CACNG2: variants seen among roughly 807,000 people sequenced by gnomAD.
The protein encoded by CACNG2 is voltage-dependent calcium channel gamma-2 subunit.
A neutral mutation model predicts 25.9 loss-of-function variants in CACNG2; 3 were observed. The observed-to-expected ratio is 0.12, with a 90% confidence interval of 0.05 to 0.30. The LOEUF (loss-of-function observed/expected upper bound fraction) is 0.30. CACNG2 is among the 10% of genes least tolerant of loss of function. The pLI is 1.00. For missense variants in CACNG2, 341 were observed against 432.5 expected (o/e 0.79, Z 1.88); for synonymous variants, 167 against 173.3 (o/e 0.96, Z 0.29).
At chr22:36,595,511 A>G (rs759161445) in intron 1 of CACNG2, among the ~76,000 whole-genome samples, 1 of 152,184 alleles carries the variant, frequency 6.6e-6, no homozygotes, top group Non-Finnish European at 1.5e-5. Context: ...ATGAAGGGTG[A>G]TCCTATGTGA....
rs6000344 is a variant in CACNG2 at position 36,600,843 on chromosome 22, G to A, written c.212-13295C>T. Among the ~76,000 whole-genome samples, 15 of 152,006 alleles carry A rather than the reference G, an allele frequency of 9.9e-5. No homozygotes were observed. The East Asian group carries it at 1.4e-3, about 14-fold the overall frequency. On this transcript the variant is annotated intron_variant, in intron 1 of 3. Transcript: ENST00000300105. ...ATTATAGGCATGAACCACCGCTCCC[G>A]GCCTAAAATTTTTTTTAAGTGCATT...
chr22:36,651,453 T>C (rs905306155), intron 1 of CACNG2, among the ~76,000 whole-genome samples: 1 of 152,084 alleles, frequency 6.6e-6, no homozygotes, highest in Non-Finnish European at 1.5e-5. Context: ...GGTCTCGAAC[T>C]CCTGACCTCC....
chr22:36,690,029 C>T (rs1297079504), intron 1 of CACNG2, among the ~76,000 whole-genome samples: 2 of 152,260 alleles, frequency 1.3e-5, no homozygotes, highest in African/African-American at 2.4e-5. Flanking sequence ...TACAGATGCA[C>T]GGCTTTCTTC....
chr22:36,699,681 A>G (rs1937386631), intron 1 of CACNG2, among the ~76,000 whole-genome samples: 1 of 151,672 alleles, frequency 6.6e-6, no homozygotes. Flanking sequence ...TGAAAGTCCA[A>G]TTTTTCACAC....
chr22:36,616,896 G>T (rs1936029212), intron 1 of CACNG2, among the ~76,000 whole-genome samples: 1 of 152,214 alleles, frequency 6.6e-6, no homozygotes, highest in African/African-American at 2.4e-5. Flanking sequence ...TAGGCAAAGG[G>T]ATGCTGGGCA....
At chr22:36,641,750 A>T (rs1422146974) in intron 1 of CACNG2, among the ~76,000 whole-genome samples, 2 of 152,232 alleles carry the variant, frequency 1.3e-5, no homozygotes, top group African/African-American at 4.8e-5. Context: ...TGTCTATTGA[A>T]TGACTTCAGG....
chr22:36,657,627 C>T (rs1428434030), intron 1 of CACNG2, among the ~76,000 whole-genome samples: 1 of 152,188 alleles, frequency 6.6e-6, no homozygotes, highest in Non-Finnish European at 1.5e-5. Context: ...ACTGGATCTA[C>T]ACTCTGTGCC....
At chr22:36,660,034 C>A (rs890534985) in intron 1 of CACNG2, among the ~76,000 whole-genome samples, 6 of 152,238 alleles carry the variant, frequency 3.9e-5, no homozygotes, top group Admixed American at 3.3e-4. Flanking sequence ...ACAATCCCCC[C>A]ACGACTCTGC....
chr22:36,632,338 C>A (rs1936284754), intron 1 of CACNG2, among the ~76,000 whole-genome samples: 1 of 152,092 alleles, frequency 6.6e-6, no homozygotes, highest in Non-Finnish European at 1.5e-5. Context: ...TCCCCCTGGG[C>A]CTCATTTGTA....
At position 36,658,900 on chromosome 22, in the gene CACNG2, T is replaced by C. The variant is rs377207001; in HGVS notation, c.211+43466A>G. On this transcript the variant is annotated intron_variant, in intron 1 of 3. Transcript: ENST00000300105. ...CTGAAGATAAGATGGAGCCTGGTAT[T>C]GGGGTGGGGACAGCAATGACGCTGG... Among the ~76,000 whole-genome samples, 18 of 151,846 alleles carry C rather than the reference T, an allele frequency of 1.2e-4. 1 individual carries two copies. Among genetic ancestry groups the C allele is most frequent in the South Asian group, 6.3e-4 (3 of 4,792 alleles).
intron 1 of CACNG2, among the ~76,000 whole-genome samples, chr22:36,659,156 C>T (rs966870858): frequency 1.3e-5 from 2 of 152,114 alleles, no homozygotes; most frequent in Non-Finnish European, 2.9e-5. Flanking sequence ...AGGCACAGGC[C>T]TGCTGAGAGA....
At chr22:36,635,348 G>A (rs1307221293) in intron 1 of CACNG2, among the ~76,000 whole-genome samples, 1 of 151,672 alleles carries the variant, frequency 6.6e-6, no homozygotes, top group African/African-American at 2.4e-5. Flanking sequence ...TGGGGAGAAT[G>A]AACATATATA....
At position 36,596,469 on chromosome 22, in the gene CACNG2, T is replaced by C. The variant is rs187630093; in HGVS notation, c.212-8921A>G. Among the ~76,000 whole-genome samples the C allele has an allele frequency of 7.8e-4, 119 of 152,222 alleles. 1 individual carries two copies. The highest frequency in any genetic ancestry group is 2.4e-3 in the African/African-American group (100 of 41,492). On this transcript the variant is annotated intron_variant, in intron 1 of 3. Coordinates refer to ENST00000300105, the MANE Select transcript of CACNG2 (RefSeq NM_006078.5). ...ATTCATTCTTTCAGTGGGTAGTTTC[T>C]TTCTTTTTTTGTTTTTTGGGAAGGA... is the stretch of plus-strand genomic sequence containing the variant.
intron 1 of CACNG2, among the ~76,000 whole-genome samples, chr22:36,667,768 G>A (rs926056718): frequency 1.2e-4 from 19 of 152,158 alleles, no homozygotes; most frequent in Non-Finnish European, 2.2e-4. Context: ...TTTCTCCTTC[G>A]AGAAATTAGG....
intron 1 of CACNG2, among the ~76,000 whole-genome samples, chr22:36,671,747 C>G (rs879623582): frequency 6.6e-6 from 1 of 152,180 alleles, no homozygotes; most frequent in Non-Finnish European, 1.5e-5. Flanking sequence ...CTGGAAGCTG[C>G]TTGCTACAAG....
intron 1 of CACNG2, among the ~76,000 whole-genome samples, chr22:36,612,369 C>T (rs1027361838): frequency 6.6e-6 from 1 of 152,180 alleles, no homozygotes; most frequent in Admixed American, 6.5e-5. Flanking sequence ...ATTAGTATAA[C>T]ATAAGGTGCC....
intron 1 of CACNG2, among the ~76,000 whole-genome samples, chr22:36,647,324 G>A (rs1017678989): frequency 1.3e-5 from 2 of 151,984 alleles, no homozygotes; most frequent in Admixed American, 6.6e-5. Flanking sequence ...GGCCAGGTGC[G>A]GTGGCTCACA....
Position 36,702,462 on chromosome 22 carries a change from C to T in CACNG2, c.115G>A (p.Val39Ile), listed in dbSNP as rs761746610. The change falls in exon 1 of 4, where the codon GTT (valine) becomes ATT (isoleucine). Residue 39 changes from valine to isoleucine, a missense_variant. Around this residue, in one of 2 missense-constraint regions of CACNG2, gnomAD observed 169 missense variants for 254.4 expected, o/e 0.66. Coordinates refer to ENST00000300105, the MANE Select transcript of CACNG2 (RefSeq NM_006078.5). ...TCACTGACACTTTTGGTCTTGCAAA[C>T]CCCTCTGGAGTAGAGCCAATAGTCG... ...GTDYWLYSRG[V>I]CKTKSVSENE... 2 of 1,613,994 alleles carry T rather than the reference C, an allele frequency of 1.2e-6. No individual in the cohort carries two copies. Among genetic ancestry groups the T allele is most frequent in the African/African-American group, 1.3e-5 (1 of 74,884 alleles).
chr22:36,584,970 A>C (rs1482357161), intron 2 of CACNG2: 2 of 152,154 alleles, frequency 1.3e-5, no homozygotes, highest in Non-Finnish European at 2.9e-5. Flanking sequence ...TCTGGGAGCC[A>C]CCTGCCTACT....
Sources: allele counts gnomAD v4.1 joint callset (sites outside exome capture counted in the v4.1 genomes callset), GRCh38; gene constraint gnomAD v4.1.1; regional missense constraint gnomAD v4.1.1; transcripts MANE v1.5; gene names NCBI Gene and HGNC (gene_info 2026-07-23, HGNC 2026-07-21).